CTDSPL: variants seen among roughly 807,000 people sequenced by gnomAD.
CTDSPL encodes the protein CTD small phosphatase-like protein.
Under a neutral mutation model 30.5 loss-of-function variants are expected in CTDSPL, and 8 were observed. The observed-to-expected ratio is 0.26, with a 90% CI of 0.15 to 0.47. The LOEUF (loss-of-function observed/expected upper bound fraction) is 0.47. CTDSPL is among the 20% of genes least tolerant of loss of function. The probability of loss-of-function intolerance (pLI) is 0.99; values close to 1 mark genes in which losing one functional copy is unlikely to be tolerated. For missense variants in CTDSPL, 248 were observed against 366.1 expected (o/e 0.68, Z 2.63); for synonymous variants, 110 against 137.9 (o/e 0.80, Z 1.42).
chr3:37,872,084 T>C (rs567249531), intron 1 of CTDSPL, among the ~76,000 whole-genome samples: 2 of 152,292 alleles, frequency 1.3e-5, no homozygotes, highest in Admixed American at 6.5e-5. Flanking sequence ...CTCAACCTCA[T>C]GGACTCAAGT....
chr3:37,885,845 C>T (rs1425327365), intron 1 of CTDSPL, among the ~76,000 whole-genome samples: 1 of 152,112 alleles, frequency 6.6e-6, no homozygotes, highest in African/African-American at 2.4e-5. Context: ...AAAGGAAATG[C>T]CAAATGGTAT....
intron 2 of CTDSPL, among the ~76,000 whole-genome samples, chr3:37,950,719 C>T (rs1013503370): frequency 3.9e-5 from 6 of 152,244 alleles, no homozygotes; most frequent in Middle Eastern, 3.4e-3. Context: ...ATTGAAGGAG[C>T]TTACCAAGTC....
chr3:37,980,894 GT>G lies in CTDSPL; in HGVS notation c.*28del. Reference sequence around the variant, plus strand: ...CCTGGCCTCTGCCTGCCTCCCGCCTGTGCACTCTGGAACCTCTGGCCTCAGG... The same window carrying G: ...CCTGGCCTCTGCCTGCCTCCCGCCTGGCACTCTGGAACCTCTGGCCTCAGG... On this transcript the variant is annotated 3_prime_UTR_variant, in exon 8 of 8. Coordinates refer to ENST00000273179, the MANE Select transcript of CTDSPL (RefSeq NM_001008392.2). 2 of 1,608,026 alleles carry G rather than the reference GT, an allele frequency of 1.2e-6. No homozygotes were observed. The highest frequency in any genetic ancestry group is 1.7e-4 in the Middle Eastern group (1 of 5,926).
intron 2 of CTDSPL, among the ~76,000 whole-genome samples, chr3:37,948,215 C>T (rs1255040731): frequency 1.3e-5 from 2 of 151,874 alleles, no homozygotes; most frequent in Non-Finnish European, 2.9e-5. Context: ...ACCTGGGAGA[C>T]GGAGGTTGCA....
At chr3:37,964,537 A>C in intron 3 of CTDSPL, 34 bp from the exon 4 acceptor site, 1 of 1,462,192 alleles carries the variant, frequency 6.8e-7, no homozygotes, top group East Asian at 2.3e-5. Context: ...TGTCTTTTAC[A>C]TAAATGTAAT....
At chr3:37,967,764 TA>T in intron 4 of CTDSPL, 61 bp from the exon 5 acceptor site, 2 of 1,297,512 alleles carry the variant, frequency 1.5e-6, no homozygotes, top group Non-Finnish European at 2.2e-6. Flanking sequence ...TTTTTCTTGC[TA>T]AAATTTCCAG....
chr3:37,935,723 T>C (rs867506481), intron 1 of CTDSPL, among the ~76,000 whole-genome samples: 2 of 152,154 alleles, frequency 1.3e-5, no homozygotes, highest in Admixed American at 6.5e-5. Flanking sequence ...ATGGGTTTGT[T>C]CTGGAGTAGT....
At chr3:37,891,427 A>G (rs1575284630) in intron 1 of CTDSPL, among the ~76,000 whole-genome samples, 1 of 152,178 alleles carries the variant, frequency 6.6e-6, no homozygotes, top group African/African-American at 2.4e-5. Flanking sequence ...TTCTACTCCT[A>G]CGCACAGGTG....
At chr3:37,889,578 G>A (rs1449244435) in intron 1 of CTDSPL, among the ~76,000 whole-genome samples, 1 of 151,970 alleles carries the variant, frequency 6.6e-6, no homozygotes, top group East Asian at 1.9e-4. Context: ...AGAGAGAAAA[G>A]GAAATTATCA....
intron 3 of CTDSPL, among the ~76,000 whole-genome samples, chr3:37,958,180 T>G (rs1341831359): frequency 6.6e-6 from 1 of 152,222 alleles, no homozygotes; most frequent in Non-Finnish European, 1.5e-5. Flanking sequence ...GTAGTACATG[T>G]CACTTACAAA....
In CTDSPL at chr3:37,862,466, T is replaced by C. The variant is rs910830458; in HGVS notation, c.79+188T>C. Among the ~76,000 whole-genome samples the C allele has an allele frequency of 5.3e-5, 8 of 151,790 alleles. No homozygotes were observed. Among genetic ancestry groups the C allele is most frequent in the Non-Finnish European group, 1.2e-4 (8 of 67,902 alleles). The stretch of plus-strand genomic sequence containing the variant: ...CGTGTGCCGACTGAGCCAGTGTGAG[T>C]GTGCAGGGGCTGGCGGAGAGACTGG... On this transcript the variant is annotated intron_variant, in intron 1 of 7. Transcript: ENST00000273179. This position sits in a 1 kb window ranked among gnomAD's most constrained non-coding sequence, Gnocchi z 4.3.
At chr3:37,950,264 C>A (rs1415593115) in intron 2 of CTDSPL, among the ~76,000 whole-genome samples, 2 of 152,160 alleles carry the variant, frequency 1.3e-5, no homozygotes, top group East Asian at 3.9e-4. Flanking sequence ...ATAGACTGAC[C>A]TGCACAGACA....
At position 37,974,566 on chromosome 3, in the gene CTDSPL, T is replaced by C. The variant is rs1191770305; in HGVS notation, c.520-1143T>C. 2.0e-5 allele frequency among the ~76,000 whole-genome samples: 3 copies of C among 152,370 alleles called. No homozygotes were observed. The East Asian group carries it at 5.8e-4, about 29-fold the overall frequency. The stretch of plus-strand genomic sequence containing the variant: ...TTCTTCCAGGCCTAGCCACTCAGTA[T>C]GGCCCACTCTTTTAGGTATCTTCAG... On this transcript the variant is annotated intron_variant, in intron 6 of 7. Transcript: ENST00000273179.
At chr3:37,980,491 GAAAAC>G (rs1018999911) in intron 7 of CTDSPL, among the ~76,000 whole-genome samples, 8 of 152,192 alleles carry the variant, frequency 5.3e-5, no homozygotes, top group Admixed American at 1.3e-4. Context: ...TCTGTGGCAG[GAAAAC>G]AAAACAGGCA....
chr3:37,888,371 CAACTT>C (rs1291200177), intron 1 of CTDSPL, among the ~76,000 whole-genome samples: 3 of 152,160 alleles, frequency 2.0e-5, no homozygotes, highest in Non-Finnish European at 4.4e-5. Context: ...GCAAAAGACT[CAACTT>C]AGAGTGTTGC....
chr3:37,959,563 C>G (rs1045888961), intron 3 of CTDSPL, among the ~76,000 whole-genome samples: 1 of 152,136 alleles, frequency 6.6e-6, no homozygotes. Flanking sequence ...TAACAAGATG[C>G]CTTGAACATC....
At position 37,984,277 on chromosome 3, in the gene CTDSPL, C is replaced by G. The variant is rs1347793606; in HGVS notation, c.*3410C>G. Reference sequence around the variant, plus strand: ...TTCTCTGCAGACTGACACACCCTCCCCCACCCCGGGTAGTGGAGATGCTGG... The same window carrying G: ...TTCTCTGCAGACTGACACACCCTCCGCCACCCCGGGTAGTGGAGATGCTGG... On this transcript the variant is annotated 3_prime_UTR_variant, in exon 8 of 8. Coordinates refer to ENST00000273179, the MANE Select transcript of CTDSPL (RefSeq NM_001008392.2). 2.2e-6 allele frequency: 1 copy of G among 456,984 alleles called. No individual in the cohort carries two copies. Among genetic ancestry groups the G allele is most frequent in the Non-Finnish European group, 4.4e-6 (1 of 227,042 alleles). The allele number at this position is 456,984 out of a possible 1,614,324, so 28.3% of individuals were successfully genotyped here.
At chr3:37,899,700 G>C (rs377620194) in intron 1 of CTDSPL, among the ~76,000 whole-genome samples, 3 of 152,286 alleles carry the variant, frequency 2.0e-5, no homozygotes, top group East Asian at 3.9e-4. Flanking sequence ...AAAAAGCAAG[G>C]ACTCAGAGGG....
intron 1 of CTDSPL, among the ~76,000 whole-genome samples, chr3:37,894,830 T>G (rs1291351940): frequency 6.6e-6 from 1 of 152,180 alleles, no homozygotes; most frequent in Admixed American, 6.5e-5. Context: ...CTGTTATCAC[T>G]ATTCTGTTAA....
Sources: allele counts gnomAD v4.1 joint callset (sites outside exome capture counted in the v4.1 genomes callset), GRCh38; gene constraint gnomAD v4.1.1; non-coding constraint Gnocchi (gnomAD v3.1); transcripts MANE v1.5; gene names NCBI Gene and HGNC (gene_info 2026-07-23, HGNC 2026-07-21).